PCED1B: variants seen among roughly 807,000 people sequenced by gnomAD.
PCED1B encodes the protein PC-esterase domain-containing protein 1B.
For missense variants in PCED1B, 573 were observed against 573.9 expected (o/e 1.00, Z 0.02); for synonymous variants, 251 against 246.1 (o/e 1.02, Z -0.19).
At chr12:47,161,460 G>A (rs1026999170) in intron 2 of PCED1B, among the ~76,000 whole-genome samples, 9 of 152,126 alleles carry the variant, frequency 5.9e-5, no homozygotes, top group African/African-American at 2.2e-4. Context: ...GTACCACAGT[G>A]TTTTGATTAC....
rs764393378 is a variant in PCED1B at position 47,236,302 on chromosome 12, A to T, written c.1239A>T (p.Gly413=). ...CCCGTGGCCCCTATACGCCCTGGGGACAGCGGCCTCGACCTTCAAAGAGAA... is the reference window on the plus strand; with the variant it reads ...CCCGTGGCCCCTATACGCCCTGGGGTCAGCGGCCTCGACCTTCAAAGAGAA... ...YRPRGPYTPW[G]QRPRPSKRRA... The change falls in exon 4 of 4, where the codon GGA becomes GGT. Residue 413 remains glycine, a synonymous_variant. Coordinates refer to ENST00000546455, the MANE Select transcript of PCED1B (RefSeq NM_138371.3). 6.8e-6 allele frequency: 11 copies of T among 1,613,654 alleles called. No individual in the cohort carries two copies. In the South Asian group the frequency reaches 1.1e-4, roughly 16 times the overall value.
At chr12:47,213,360 A>G (rs1480764395) in intron 2 of PCED1B, among the ~76,000 whole-genome samples, 2 of 85,178 alleles carry the variant, frequency 2.3e-5, no homozygotes, top group African/African-American at 1.9e-4. Flanking sequence ...AAGTCAGACA[A>G]CCAAAGAAAA....
chr12:47,121,558 A>G (rs1939680469), intron 2 of PCED1B, among the ~76,000 whole-genome samples: 3 of 152,210 alleles, frequency 2.0e-5, no homozygotes, highest in Admixed American at 1.3e-4. Flanking sequence ...ACATGTTCTA[A>G]TACATTTTTT....
intron 2 of PCED1B, among the ~76,000 whole-genome samples, 158 bp downstream of exon 2, chr12:47,104,353 A>T (rs1170541586): frequency 2.6e-5 from 4 of 152,228 alleles, no homozygotes; most frequent in Non-Finnish European, 4.4e-5. Flanking sequence ...TTTGACACTA[A>T]AAGTTTTCTC....
chr12:47,101,800 G>A (rs1443568968), intron 1 of PCED1B, among the ~76,000 whole-genome samples: 1 of 152,058 alleles, frequency 6.6e-6, no homozygotes, highest in Non-Finnish European at 1.5e-5. Context: ...TACAAAATTA[G>A]CTGGGCGTGG....
At chr12:47,161,329 G>T (rs1592220314) in intron 2 of PCED1B, among the ~76,000 whole-genome samples, 1 of 152,084 alleles carries the variant, frequency 6.6e-6, no homozygotes, top group Non-Finnish European at 1.5e-5. Context: ...TTAAAAAAAT[G>T]GTGTTTTCCC....
intron 2 of PCED1B, among the ~76,000 whole-genome samples, chr12:47,124,136 A>G (rs1939789819): frequency 6.6e-6 from 1 of 152,026 alleles, no homozygotes; most frequent in Non-Finnish European, 1.5e-5. Flanking sequence ...GAACATATCT[A>G]ACATCCCAAA....
At chr12:47,150,082 T>G (rs979822773) in intron 2 of PCED1B, among the ~76,000 whole-genome samples, 1 of 152,232 alleles carries the variant, frequency 6.6e-6, no homozygotes, top group African/African-American at 2.4e-5. Context: ...ATCATCATAT[T>G]GTACATCTTA....
At chr12:47,091,390 C>T (rs112995601) in intron 1 of PCED1B, among the ~76,000 whole-genome samples, 4 of 151,978 alleles carry the variant, frequency 2.6e-5, no homozygotes, top group Non-Finnish European at 5.9e-5. Context: ...TTCTTATTGA[C>T]TTGCAGGTGT....
At chr12:47,143,977 T>C (rs1009109915) in intron 2 of PCED1B, among the ~76,000 whole-genome samples, 1 of 152,208 alleles carries the variant, frequency 6.6e-6, no homozygotes, top group Admixed American at 6.5e-5. Context: ...ATTGCCCTAG[T>C]TGGGGCTCTC....
chr12:47,097,986 G>T (rs1938547960), intron 1 of PCED1B, among the ~76,000 whole-genome samples: 1 of 152,206 alleles, frequency 6.6e-6, no homozygotes, highest in African/African-American at 2.4e-5. Context: ...AGCAAATAAG[G>T]TCTTACCATT....
At chr12:47,200,961 A>G (rs1036956108) in intron 2 of PCED1B, among the ~76,000 whole-genome samples, 3 of 152,216 alleles carry the variant, frequency 2.0e-5, no homozygotes, top group Non-Finnish European at 4.4e-5. Context: ...GCTTTTAAAA[A>G]GTTTCAGATA....
intron 2 of PCED1B, among the ~76,000 whole-genome samples, chr12:47,179,686 C>A (rs1268827902): frequency 6.6e-6 from 1 of 152,100 alleles, no homozygotes; most frequent in Admixed American, 6.6e-5. Context: ...CAGTACCAAA[C>A]ATAGTATTTT....
intron 2 of PCED1B, among the ~76,000 whole-genome samples, chr12:47,114,008 G>A (rs1207522903): frequency 1.3e-5 from 2 of 151,900 alleles, no homozygotes; most frequent in African/African-American, 4.8e-5. Flanking sequence ...GGTACACAAT[G>A]GGGAAACCCT....
At chr12:47,195,580 G>A (rs1942580325) in intron 2 of PCED1B, among the ~76,000 whole-genome samples, 1 of 152,142 alleles carries the variant, frequency 6.6e-6, no homozygotes, top group African/African-American at 2.4e-5. Flanking sequence ...TAGTAGAGTA[G>A]AGGAGGGATG....
intron 2 of PCED1B, among the ~76,000 whole-genome samples, chr12:47,136,627 C>T (rs1940384119): frequency 2.0e-5 from 3 of 152,212 alleles, no homozygotes; most frequent in Admixed American, 1.3e-4. Context: ...ACTCCTTAAT[C>T]TTCCCAATTT....
intron 2 of PCED1B, among the ~76,000 whole-genome samples, chr12:47,137,742 AAG>A (rs549306428): frequency 7.2e-6 from 1 of 139,356 alleles, no homozygotes. Flanking sequence ...AAAAAAAAAA[AAG>A]AAAAAAAGAA....
intron 3 of PCED1B, among the ~76,000 whole-genome samples, chr12:47,234,554 A>G (rs185712728): frequency 2.1e-4 from 32 of 152,340 alleles, no homozygotes; most frequent in African/African-American, 7.7e-4. Flanking sequence ...ACTTAACATT[A>G]TATCACAAAC....
At chr12:47,146,539 C>T (rs1367403176) in intron 2 of PCED1B, among the ~76,000 whole-genome samples, 1 of 152,156 alleles carries the variant, frequency 6.6e-6, no homozygotes, top group African/African-American at 2.4e-5. Flanking sequence ...GAAATTGCCA[C>T]AACCACCCCA....
Sources: allele counts gnomAD v4.1 joint callset (sites outside exome capture counted in the v4.1 genomes callset), GRCh38; gene constraint gnomAD v4.1.1; transcripts MANE v1.5; gene names NCBI Gene and HGNC (gene_info 2026-07-23, HGNC 2026-07-21).